CDK5RAP2: variants seen among roughly 807,000 people sequenced by gnomAD.
CDK5RAP2 encodes the protein CDK5 regulatory subunit associated protein 2.
Under a neutral mutation model 232.9 loss-of-function variants are expected in CDK5RAP2, and 147 were observed. The ratio of observed to expected loss-of-function variants is 0.63; its 90% CI spans 0.55 to 0.72. The LOEUF (loss-of-function observed/expected upper bound fraction) is 0.72. Ranked by LOEUF, CDK5RAP2 falls within the 30% of genes least tolerant of loss-of-function variation. The probability of loss-of-function intolerance (pLI) is 0.00; values close to 1 mark genes in which losing one functional copy is unlikely to be tolerated. For missense variants in CDK5RAP2, 2,195 were observed against 2,231.5 expected (o/e 0.98, Z 0.33); for synonymous variants, 833 against 833.7 (o/e 1.00, Z 0.01).
chr9:120,517,384 G>A (rs903442385), intron 12 of CDK5RAP2, among the ~76,000 whole-genome samples: 10 of 152,178 alleles, frequency 6.6e-5, no homozygotes, highest in Non-Finnish European at 7.4e-5. Context: ...CTAACCACTG[G>A]TACTCTTTTG....
intron 20 of CDK5RAP2, among the ~76,000 whole-genome samples, chr9:120,455,222 G>A (rs916968362): frequency 4.6e-5 from 7 of 152,160 alleles, no homozygotes; most frequent in Admixed American, 3.3e-4. Flanking sequence ...ACAGCGGAGG[G>A]CTTCTAACAT....
chr9:120,435,648 T>G (rs796503036), intron 25 of CDK5RAP2, among the ~76,000 whole-genome samples: 13 of 152,178 alleles, frequency 8.5e-5, no homozygotes, highest in African/African-American at 2.9e-4. Flanking sequence ...CAGTACAGGA[T>G]GAGCATGGAA....
chr9:120,460,889 A>G, intron 18 of CDK5RAP2: 1 of 693,802 alleles, frequency 1.4e-6, no homozygotes, highest in Non-Finnish European at 2.3e-6. Context: ...GCATAATTTA[A>G]GGACAAATTC....
At chr9:120,552,286 G>T (rs1319930089) in intron 3 of CDK5RAP2, among the ~76,000 whole-genome samples, 2 of 151,460 alleles carry the variant, frequency 1.3e-5, no homozygotes, top group Non-Finnish European at 2.9e-5. Context: ...TCAGTGTGGC[G>T]ATTCCTCAGG....
rs370145364 is a variant in CDK5RAP2 at position 120,518,644 on chromosome 9, C to T, written c.1094G>A (p.Gly365Glu). ...LQKAQTQEFQ[G>E]SEDYETALSG... is the part of the protein sequence containing the mutation. ...TAGAGCAGTCTCATAGTCTTCAGAC[C>T]CCTAGAAGAGAAGGCAGAGAAGCAA... Residue 365 changes from glycine (G) to glutamate (E), a missense_variant and splice_region_variant, in exon 12 of 38, where the codon GGG becomes GAG. Transcript: ENST00000349780. The T allele has an allele frequency of 5.0e-6, 8 of 1,612,632 alleles. No individual in the cohort carries two copies. Among genetic ancestry groups the T allele is most frequent in the Non-Finnish European group, 6.8e-6 (8 of 1,179,054 alleles).
At chr9:120,463,571 G>A (rs1308025928) in intron 18 of CDK5RAP2, among the ~76,000 whole-genome samples, 1 of 152,182 alleles carries the variant, frequency 6.6e-6, no homozygotes, top group African/African-American at 2.4e-5. Context: ...TTAGGAAAGA[G>A]GCACGGAGAA....
chr9:120,514,343 A>G (rs1181856114), intron 12 of CDK5RAP2, among the ~76,000 whole-genome samples: 1 of 152,048 alleles, frequency 6.6e-6, no homozygotes, highest in East Asian at 1.9e-4. Flanking sequence ...ATGTGGTTCT[A>G]GGGAGGCTGC....
At chr9:120,394,770 C>T in intron 35 of CDK5RAP2, 132 bp from the exon 36 acceptor site, 2 of 819,138 alleles carry the variant, frequency 2.4e-6, no homozygotes, top group Non-Finnish European at 3.9e-6. Flanking sequence ...AACTAGAAGC[C>T]TTTTCCTGAC....
rs77100552 is a variant in CDK5RAP2 at position 120,394,512 on chromosome 9, A to T, written c.5578T>A (p.Leu1860Met). 6 of 1,614,160 alleles carry T rather than the reference A, an allele frequency of 3.7e-6. No homozygotes were observed. Among genetic ancestry groups the T allele is most frequent in the East Asian group, 2.2e-5 (1 of 44,868 alleles). ...KRQEKVIFDQ[L>M]VVTHKILRKA... ...AGCGGCCACCCCCACACTCACTCAC[A>T]TTGATCAAAGATGACTTTTTCCTGG... Residue 1860 changes from leucine (L) to methionine (M), a missense_variant and splice_region_variant, in exon 36 of 38, where the codon TTG (leucine) becomes ATG (methionine). Physicochemically the swap from Leu to Met is conservative, Grantham distance 15. Coordinates refer to ENST00000349780, the MANE Select transcript of CDK5RAP2 (RefSeq NM_018249.6).
intron 16 of CDK5RAP2, among the ~76,000 whole-genome samples, chr9:120,471,369 G>T (rs572415467): frequency 2.6e-5 from 4 of 152,302 alleles, no homozygotes; most frequent in Middle Eastern, 6.8e-3. Flanking sequence ...ACCCATATAT[G>T]TGTGCAGTCT....
At chr9:120,437,702 C>T (rs1446805493) in intron 24 of CDK5RAP2, among the ~76,000 whole-genome samples, 175 bp from the exon 25 acceptor site, 2 of 152,202 alleles carry the variant, frequency 1.3e-5, no homozygotes, top group Non-Finnish European at 2.9e-5. Context: ...TGATTTCACA[C>T]AGCCAACAAA....
intron 19 of CDK5RAP2, 150 bp from the exon 20 acceptor site, chr9:120,458,772 G>C: frequency 1.4e-6 from 1 of 707,232 alleles, no homozygotes; most frequent in Non-Finnish European, 2.5e-6. Context: ...AGGGGGAGGA[G>C]AAGGAGGAAG....
Position 120,496,501 on chromosome 9 carries a change from G to T in CDK5RAP2, c.1312-5024C>A, listed in dbSNP as rs2039252700. On this transcript the variant is annotated intron_variant, in intron 12 of 37. Transcript: ENST00000349780. ...TCTGCCCGGCCAGCCGCCCCGTCCG[G>T]GAGGGAGGTGGGGGGGTCGGCCCCC... 7.6e-5 allele frequency among the ~76,000 whole-genome samples: 11 copies of T among 144,820 alleles called. No individual in the cohort carries two copies. The South Asian group carries it at 2.4e-3, about 31-fold the overall frequency.
intron 35 of CDK5RAP2, among the ~76,000 whole-genome samples, chr9:120,399,001 T>A (rs2032753844): frequency 6.6e-6 from 1 of 152,140 alleles, no homozygotes. Context: ...TAGAGGCAAT[T>A]TAACACTACA....
chr9:120,414,648 C>T (rs564748707), intron 28 of CDK5RAP2, among the ~76,000 whole-genome samples: 1 of 152,150 alleles, frequency 6.6e-6, no homozygotes, highest in South Asian at 2.1e-4. Flanking sequence ...AGCGGGGTGG[C>T]GGGGAGTGGG....
chr9:120,415,307 G>C (rs983882634), intron 27 of CDK5RAP2, 148 bp from the exon 28 acceptor site: 1 of 845,972 alleles, frequency 1.2e-6, no homozygotes, highest in African/African-American at 1.7e-5. Flanking sequence ...GGCATGGGGA[G>C]GGTGAGCTAT....
chr9:120,408,276 C>G lies in CDK5RAP2; in HGVS notation c.4726+71G>C, dbSNP rs373177610. Reference sequence around the variant, plus strand: ...GAGGGCTGAGCTCTGCCCTCCTGTGCCTACAGCCAGCTGTCGGGTGGTCTT... The same window carrying G: ...GAGGGCTGAGCTCTGCCCTCCTGTGGCTACAGCCAGCTGTCGGGTGGTCTT... On this transcript the variant is annotated intron_variant, in intron 31 of 37. Transcript: ENST00000349780. 262 of 1,594,948 alleles carry G rather than the reference C, an allele frequency of 1.6e-4. 1 individual carries two copies. The highest frequency in any genetic ancestry group is 2.0e-4 in the Non-Finnish European group (228 of 1,166,866).
chr9:120,454,178 G>C (rs769162969), intron 20 of CDK5RAP2, among the ~76,000 whole-genome samples: 3 of 152,232 alleles, frequency 2.0e-5, no homozygotes, highest in Non-Finnish European at 4.4e-5. Context: ...GGCCCAGGTA[G>C]AAACAAACGG....
chr9:120,523,179 A>G (rs1192273173), intron 11 of CDK5RAP2, among the ~76,000 whole-genome samples: 1 of 152,238 alleles, frequency 6.6e-6, no homozygotes, highest in Non-Finnish European at 1.5e-5. Flanking sequence ...GTAAGACCTC[A>G]AAACTCATTC....
Sources: allele counts gnomAD v4.1 joint callset (sites outside exome capture counted in the v4.1 genomes callset), GRCh38; gene constraint gnomAD v4.1.1; transcripts MANE v1.5; gene names NCBI Gene and HGNC (gene_info 2026-07-23, HGNC 2026-07-21).